The following CIB1 variants were observed in gnomAD, a reference collection of about 807,000 sequenced individuals.
CIB1 encodes the protein calcium and integrin binding 1.
In CIB1, 19 loss-of-function variants were observed where a neutral mutation model predicts 25.0. The observed-to-expected ratio is 0.76, with a 90% CI of 0.53 to 1.12. The LOEUF (loss-of-function observed/expected upper bound fraction) is 1.12. Among genes scored for constraint, CIB1 ranks in the 50% most tolerant of loss-of-function variants. The pLI is 0.00. For missense variants in CIB1, 236 were observed against 242.6 expected (o/e 0.97, Z 0.18); for synonymous variants, 104 against 98.5 (o/e 1.06, Z -0.33).
At chr15:90,231,064 CT>C (rs771632804) in intron 5 of CIB1, 30 bp downstream of exon 5, 6 of 1,613,422 alleles carry the variant, frequency 3.7e-6, no homozygotes, top group Non-Finnish European at 5.1e-6. Flanking sequence ...CAACTGCTCC[CT>C]CCCGCTCCCA....
At chr15:90,257,715 A>C in the CIB1 span, 3 of 1,614,082 alleles carry the variant, frequency 1.9e-6, no homozygotes, top group Admixed American at 3.3e-5. Flanking sequence ...CGCTGTGGGC[A>C]GTAAGAGGTA....
the CIB1 span, among the ~76,000 whole-genome samples, chr15:90,259,742 T>C: frequency 6.6e-6 from 1 of 152,184 alleles, no homozygotes; most frequent in African/African-American, 2.4e-5. Context: ...AACTTTGTCA[T>C]AAAGAAACAC....
chr15:90,251,212 C>T, the CIB1 span, among the ~76,000 whole-genome samples: 5 of 148,336 alleles, frequency 3.4e-5, no homozygotes, highest in African/African-American at 5.0e-5. Flanking sequence ...CTCCCGGGTT[C>T]AGGCCATTCT....
At chr15:90,230,861 G>T in intron 6 of CIB1, 73 bp downstream of exon 6, 1 of 1,302,952 alleles carries the variant, frequency 7.7e-7, no homozygotes, top group Non-Finnish European at 1.1e-6. Flanking sequence ...ACCTCCTGTA[G>T]CCATGCCCTA....
chr15:90,251,074 C>T, the CIB1 span, among the ~76,000 whole-genome samples: 3 of 150,530 alleles, frequency 2.0e-5, no homozygotes, highest in African/African-American at 7.3e-5. Context: ...TAGGCTGGCT[C>T]ATTTTGGAAT....
At chr15:90,246,210 T>C in the CIB1 span, among the ~76,000 whole-genome samples, 3 of 151,366 alleles carry the variant, frequency 2.0e-5, no homozygotes, top group Non-Finnish European at 4.4e-5. Context: ...GAGGCAGAGG[T>C]TGCAGTGAGC....
the CIB1 span, chr15:90,258,184 A>C: frequency 3.1e-6 from 5 of 1,614,246 alleles, no homozygotes; most frequent in Non-Finnish European, 4.2e-6. Flanking sequence ...TTTCCCCAGT[A>C]TCTGAATGGA....
chr15:90,256,394 C>T, the CIB1 span: 1 of 1,480,716 alleles, frequency 6.8e-7, no homozygotes, highest in Non-Finnish European at 9.3e-7. Flanking sequence ...TCTTAGGCTT[C>T]TACCCTTCCC....
chr15:90,264,519 A>G, the CIB1 span, among the ~76,000 whole-genome samples: 1 of 152,206 alleles, frequency 6.6e-6, no homozygotes, highest in Non-Finnish European at 1.5e-5. Context: ...AATGGCAGAA[A>G]TACAGTCCCA....
chr15:90,243,958 T>C, the CIB1 span: 1 of 150,340 alleles, frequency 6.7e-6, no homozygotes, highest in African/African-American at 2.5e-5. Flanking sequence ...TTTTTTTTTT[T>C]CTTGAATCAG....
the CIB1 span, chr15:90,251,645 A>C: frequency 7.5e-6 from 12 of 1,594,084 alleles, no homozygotes; most frequent in Non-Finnish European, 8.6e-6. Flanking sequence ...TGGTGCCTAC[A>C]GCTGCTGTTC....
upstream of CIB1, chr15:90,234,069 G>T: frequency 6.1e-6 from 4 of 655,332 alleles, no homozygotes; most frequent in Non-Finnish European, 9.6e-6. Flanking sequence ...GCGAGCTGCC[G>T]GCTCCAAGCG....
intron 1 of CIB1, 49 bp from the exon 2 acceptor site, chr15:90,233,752 G>A: frequency 6.4e-7 from 1 of 1,554,446 alleles, no homozygotes; most frequent in Non-Finnish European, 8.7e-7. Flanking sequence ...GGGAGGCCGC[G>A]GCCGCCCCGC....
the CIB1 span, chr15:90,258,103 A>T: frequency 3.1e-6 from 5 of 1,614,110 alleles, no homozygotes; most frequent in Admixed American, 3.3e-5. Flanking sequence ...CTGTGGGGGG[A>T]CATCGAGGAC....
the CIB1 span, chr15:90,241,326 C>T: frequency 3.8e-5 from 61 of 1,614,192 alleles, no homozygotes; most frequent in African/African-American, 4.3e-4. Flanking sequence ...CCGTTTGCAC[C>T]GGGAGCCTGA....
the CIB1 span, chr15:90,243,595 C>G: frequency 3.3e-5 from 5 of 151,440 alleles, no homozygotes; most frequent in African/African-American, 1.2e-4. Context: ...AATCCTCCCA[C>G]CTCGGCCTCC....
chr15:90,238,265 A>G (rs1224289989), upstream of CIB1, among the ~76,000 whole-genome samples: 2 of 152,194 alleles, frequency 1.3e-5, no homozygotes, highest in Non-Finnish European at 2.9e-5. Flanking sequence ...GTGCCACTGC[A>G]CTGCAGCCTG....
chr15:90,256,005 A>C, the CIB1 span: 1 of 1,565,030 alleles, frequency 6.4e-7, no homozygotes, highest in Non-Finnish European at 8.7e-7. Context: ...AGAAAGTTTC[A>C]GCTGGTCAAA....
chr15:90,258,656 T>A, the CIB1 span: 1 of 1,170,270 alleles, frequency 8.5e-7, no homozygotes. Context: ...GAGAGGAATA[T>A]CTTAGACCCT....
Sources: allele counts gnomAD v4.1 joint callset (sites outside exome capture counted in the v4.1 genomes callset), GRCh38; gene constraint gnomAD v4.1.1; transcripts MANE v1.5; gene names NCBI Gene and HGNC (gene_info 2026-07-23, HGNC 2026-07-21).